The following ZFY variants were observed in gnomAD, a reference collection of about 807,000 sequenced individuals.
ZFY encodes zinc finger Y-chromosomal protein.
For synonymous variants in ZFY, 47 were observed against 55.8 expected (o/e 0.84, Z 0.71); for missense variants, 113 against 170.9 (o/e 0.66, Z 1.89).
intron 3 of ZFY, among the ~76,000 whole-genome samples, chrY:2,969,847 T>C: frequency 6.0e-5 from 2 of 33,136 alleles, no homozygotes; most frequent in Admixed American, 5.5e-4. Flanking sequence ...AATTAAGCTG[T>C]TTTACTTGTT....
chrY:2,939,032 ACT>A (rs748810350), intron 1 of ZFY, among the ~76,000 whole-genome samples: 1,133 of 15,492 alleles, frequency 0.073, no homozygotes, highest in Non-Finnish European at 0.13. Flanking sequence ...TAAATAAATA[ACT>A]CTGTTTACAT....
intron 1 of ZFY, among the ~76,000 whole-genome samples, chrY:2,942,353 C>T (rs1603310728): frequency 1.2e-4 from 1 of 8,143 alleles, no homozygotes; most frequent in East Asian, 2.5e-3. Flanking sequence ...TTTTTTGAGA[C>T]GGGGCCTCTC....
chrY:2,940,363 C>T, intron 1 of ZFY, among the ~76,000 whole-genome samples: 1 of 32,879 alleles, frequency 3.0e-5, no homozygotes, highest in Non-Finnish European at 7.5e-5. Context: ...TGAATCTAGG[C>T]GAGGCACAAA....
chrY:2,975,337 G>T, intron 4 of ZFY, 93 bp downstream of exon 4: 1 of 315,051 alleles, frequency 3.2e-6, no homozygotes, highest in Middle Eastern at 8.4e-4. Context: ...TTTTTTCATT[G>T]ATACTTAACA....
intron 3 of ZFY, among the ~76,000 whole-genome samples, chrY:2,973,263 T>C: frequency 9.2e-5 from 3 of 32,540 alleles, no homozygotes; most frequent in Admixed American, 2.8e-4. Context: ...TGTTTTGCCA[T>C]GTTGGCCAGG....
At chrY:2,973,178 C>T (rs748737210) in intron 3 of ZFY, among the ~76,000 whole-genome samples, 2 of 30,597 alleles carry the variant, frequency 6.5e-5, no homozygotes, top group South Asian at 7.6e-4. Context: ...TCTTGTGCCT[C>T]GGACTCCCAA....
chrY:2,935,742 G>A lies in ZFY; in HGVS notation c.-56G>A. On this transcript the variant is annotated 5_prime_UTR_variant, in exon 1 of 8. Coordinates refer to ENST00000155093, the MANE Select transcript of ZFY (RefSeq NM_003411.4). ...TGCGGACGCAGGGCACGGCACGGGG[G>A]CGAGAAGGCGAAGGCTGCAGGCGTG... 2.9e-5 allele frequency: 1 copy of A among 34,701 alleles called. No homozygotes were observed. The highest frequency in any genetic ancestry group is 7.3e-5 in the Non-Finnish European group (1 of 13,730). 8.7% of individuals were successfully genotyped at this position (34,701 alleles called of 400,897 possible).
chrY:2,955,703 C>T (rs2051291195), intron 2 of ZFY, among the ~76,000 whole-genome samples: 1 of 33,671 alleles, frequency 3.0e-5, no homozygotes, highest in Non-Finnish European at 7.4e-5. Flanking sequence ...TGTCCCTTTC[C>T]GTTTAAGCTA....
intron 1 of ZFY, among the ~76,000 whole-genome samples, chrY:2,939,247 C>T: frequency 3.2e-5 from 1 of 30,797 alleles, no homozygotes; most frequent in Non-Finnish European, 7.8e-5. Context: ...TTTCTTTTGC[C>T]GATGGAAGAA....
chrY:2,942,835 T>TTA (rs2051249380), intron 1 of ZFY, among the ~76,000 whole-genome samples: 9 of 32,921 alleles, frequency 2.7e-4, no homozygotes, highest in Admixed American at 2.2e-3. Context: ...AGAAATCTCT[T>TTA]TACAGTTTTC....
rs2051289908 is a variant in ZFY, at chrY:2,955,283, C to CA, written c.61+1298dup. On this transcript the variant is annotated intron_variant, in intron 2 of 7. Coordinates refer to ENST00000155093, the MANE Select transcript of ZFY (RefSeq NM_003411.4). ...CCACCCTCTCTTAAAGTTCCCAGTCCAAAAAAAAAAAATCTTACCTGAAAT... is the reference window on the plus strand; with the variant it reads ...CCACCCTCTCTTAAAGTTCCCAGTCCAAAAAAAAAAAAATCTTACCTGAAAT... Among the ~76,000 whole-genome samples the CA allele has an allele frequency of 1.8e-3, 49 of 27,928 alleles. No homozygotes were observed. In the East Asian group the frequency reaches 0.031, roughly 18 times the overall value. The allele number at this position is 27,928 out of a possible 37,273, so 74.9% of individuals were successfully genotyped here. A position where few individuals can be genotyped will look rare whatever the true frequency, so the allele number is the denominator to read the frequency against.
At chrY:2,970,998 T>C in intron 3 of ZFY, among the ~76,000 whole-genome samples, 1 of 33,543 alleles carries the variant, frequency 3.0e-5, no homozygotes, top group African/African-American at 1.2e-4. Flanking sequence ...TGGCTTCATA[T>C]GTCATTCATT....
In ZFY at chrY:2,935,716, C is replaced by G; in HGVS notation, c.-82C>G. On this transcript the variant is annotated 5_prime_UTR_variant, in exon 1 of 8. Transcript: ENST00000155093. Reference sequence around the variant, plus strand: ...GTTGATGGACCTGGGGTCGACACCACTGCGGACGCAGGGCACGGCACGGGG... The same window carrying G: ...GTTGATGGACCTGGGGTCGACACCAGTGCGGACGCAGGGCACGGCACGGGG... 1 of 34,932 alleles carries G rather than the reference C, an allele frequency of 2.9e-5. No homozygotes were observed. 8.7% of individuals were successfully genotyped at this position (34,932 alleles called of 400,897 possible).
chrY:2,955,393 A>C (rs1030337206), intron 2 of ZFY, among the ~76,000 whole-genome samples: 14 of 33,793 alleles, frequency 4.1e-4, no homozygotes, highest in Non-Finnish European at 8.1e-4. Flanking sequence ...CCTGGGACAT[A>C]ATTCCTCTTT....
intron 3 of ZFY, among the ~76,000 whole-genome samples, chrY:2,968,293 T>G (rs2051335314): frequency 3.2e-5 from 1 of 31,654 alleles, no homozygotes; most frequent in African/African-American, 1.2e-4. Flanking sequence ...GATGTGCAAA[T>G]ATGTTCATGT....
At position 2,979,905 on chromosome Y, in the gene ZFY, G is replaced by A; in HGVS notation, c.2318G>A (p.Arg773Gln). Residue 773 changes from arginine (R) to glutamine (Q), a missense_variant, in exon 8 of 8, where the codon CGG (arginine) becomes CAG (glutamine). Physicochemically the swap from Arg to Gln is conservative, Grantham distance 43. Coordinates refer to ENST00000155093, the MANE Select transcript of ZFY (RefSeq NM_003411.4). ...ISIHTKDYPH[R>Q]CEYCKKGFRR... Reference sequence around the variant, plus strand: ...ATTCATACAAAAGACTATCCTCATCGGTGTGAGTACTGCAAGAAAGGCTTC... The same window carrying A: ...ATTCATACAAAAGACTATCCTCATCAGTGTGAGTACTGCAAGAAAGGCTTC... 2.5e-6 allele frequency: 1 copy of A among 398,868 alleles called. No homozygotes were observed. The highest frequency in any genetic ancestry group is 3.5e-6 in the Non-Finnish European group (1 of 283,686).
rs759925140 is a variant in ZFY at position 2,947,315 on chromosome Y, T to G, written c.-28-6594T>G. Among the ~76,000 whole-genome samples the G allele has an allele frequency of 8.8e-5, 3 of 34,058 alleles. No homozygotes were observed. The East Asian group carries it at 2.3e-3, about 26-fold the overall frequency. 91.4% of individuals were successfully genotyped at this position (34,058 alleles called of 37,273 possible). On this transcript the variant is annotated intron_variant, in intron 1 of 7. Transcript: ENST00000155093. ...AATGAATTAAATGGTGGATTCTGTT[T>G]TGGCTGACAAAATTGTGTGATAGTA...
chrY:2,970,888 A>G, intron 3 of ZFY, among the ~76,000 whole-genome samples: 1 of 33,584 alleles, frequency 3.0e-5, no homozygotes, highest in Non-Finnish European at 7.4e-5. Flanking sequence ...CTTTACACTC[A>G]TGATTTCTTT....
At chrY:2,965,318 A>T (rs2051324168) in intron 3 of ZFY, among the ~76,000 whole-genome samples, 1 of 29,042 alleles carries the variant, frequency 3.4e-5, no homozygotes, top group Non-Finnish European at 8.2e-5. Context: ...TTTTTTTTTA[A>T]TTTTTTTTTA....
Sources: allele counts gnomAD v4.1 joint callset (sites outside exome capture counted in the v4.1 genomes callset), GRCh38; gene constraint gnomAD v4.1.1; transcripts MANE v1.5; gene names NCBI Gene and HGNC (gene_info 2026-07-23, HGNC 2026-07-21).